THSD4: variants seen among roughly 807,000 people sequenced by gnomAD.
THSD4 encodes thrombospondin type 1 domain containing 4.
A neutral mutation model predicts 119.0 loss-of-function variants in THSD4; 69 were observed. The ratio of observed to expected loss-of-function variants is 0.58; its 90% CI spans 0.48 to 0.71. The LOEUF (loss-of-function observed/expected upper bound fraction) is 0.71, where lower values mean the gene tolerates loss of function less well. Among genes scored for constraint, THSD4 ranks in the 30% least tolerant of loss-of-function variants. The pLI, the probability that THSD4 is intolerant of heterozygous loss-of-function variation, is 0.00. For synonymous variants in THSD4, 524 were observed against 540.4 expected (o/e 0.97, Z 0.42); for missense variants, 1,393 against 1,391.1 (o/e 1.00, Z -0.02).
chr15:71,233,207 T>A lies in THSD4; in HGVS notation c.465-9442T>A, dbSNP rs144926380. Among the ~76,000 whole-genome samples, 599 of 152,346 alleles carry A rather than the reference T, an allele frequency of 3.9e-3. 5 individuals are homozygous for A. The highest frequency in any genetic ancestry group is 6.8e-3 in the Middle Eastern group (2 of 294). On this transcript the variant is annotated intron_variant, in intron 4 of 17. Coordinates refer to ENST00000261862, the MANE Select transcript of THSD4 (RefSeq NM_024817.3). ...TTTCTGTCCCTCTGGTCTTTGGGGC[T>A]TACAGTGTATTTATAAGTGGGCATT...
intron 3 of THSD4, among the ~76,000 whole-genome samples, chr15:71,185,155 A>G (rs914252295): frequency 2.0e-5 from 3 of 151,790 alleles, no homozygotes; most frequent in Non-Finnish European, 4.4e-5. Flanking sequence ...TAATTCTCTA[A>G]GCAAAGAGTG....
At position 71,346,868 on chromosome 15, in the gene THSD4, CTTTTTTTT is replaced by C. The variant is rs71154763; in HGVS notation, c.1016-64803_1016-64796del. Among the ~76,000 whole-genome samples, 267 of 86,038 alleles carry C rather than the reference CTTTTTTTT, an allele frequency of 3.1e-3. 1 individual carries two copies. The highest frequency in any genetic ancestry group is 9.3e-3 in the African/African-American group (193 of 20,834). The allele number at this position is 86,038 out of a possible 152,430, so 56.4% of individuals were successfully genotyped here. A position where few individuals can be genotyped will look rare whatever the true frequency, so the allele number is the denominator to read the frequency against. ...ACATCATAAGTTTCATTTTCATTTT[CTTTTTTTT>C]TTTTTTTTTTTTTTTGAGACGGAGT... is the stretch of plus-strand genomic sequence containing the variant. On this transcript the variant is annotated intron_variant, in intron 6 of 17. Transcript: ENST00000261862.
intron 14 of THSD4, 75 bp downstream of exon 14, chr15:71,748,669 A>C: frequency 6.5e-7 from 1 of 1,536,360 alleles, no homozygotes; most frequent in Non-Finnish European, 8.8e-7. Context: ...AAGATGAGTC[A>C]CTAGCTCAGA....
chr15:71,169,424 T>G (rs1291466968), intron 3 of THSD4, among the ~76,000 whole-genome samples: 1 of 152,140 alleles, frequency 6.6e-6, no homozygotes, highest in Non-Finnish European at 1.5e-5. Flanking sequence ...TTCCTAGGTA[T>G]TTACCCAAGA....
chr15:71,774,890 T>C (rs28420215), intron 17 of THSD4, among the ~76,000 whole-genome samples: 4,543 of 152,300 alleles, frequency 0.03, 239 homozygotes, highest in African/African-American at 0.11. Context: ...CTCACACCTG[T>C]AATCCCAGCA....
intron 7 of THSD4, among the ~76,000 whole-genome samples, chr15:71,450,220 A>T (rs4334254): frequency 6.6e-6 from 1 of 152,174 alleles, no homozygotes. Flanking sequence ...CTGCGTGTCC[A>T]TATGCCTCAT....
rs1331827715 is a variant in THSD4, at chr15:71,115,490, T to C, written c.-288T>C. On this transcript the variant is annotated 5_prime_UTR_variant, in exon 1 of 18. Transcript: ENST00000261862. The surrounding 1 kb of genome is among the most constrained non-coding windows in gnomAD (Gnocchi z 4.4). ...CGGATCGCAAACTCTGAGCCAGAGCTCTCCGCGCGCGCCTGAACCGCTGGC... is the reference window on the plus strand; with the variant it reads ...CGGATCGCAAACTCTGAGCCAGAGCCCTCCGCGCGCGCCTGAACCGCTGGC... 3 of 151,896 alleles carry C rather than the reference T, an allele frequency of 2.0e-5. No homozygotes were observed. The highest frequency in any genetic ancestry group is 4.4e-5 in the Non-Finnish European group (3 of 67,974). 9.4% of individuals were successfully genotyped at this position (151,896 alleles called of 1,614,324 possible). A position where few individuals can be genotyped will look rare whatever the true frequency, so the allele number is the denominator to read the frequency against.
intron 8 of THSD4, among the ~76,000 whole-genome samples, chr15:71,722,250 A>G (rs1278152984): frequency 6.6e-6 from 1 of 152,228 alleles, no homozygotes; most frequent in Non-Finnish European, 1.5e-5. Context: ...GAGCTGTTTC[A>G]GAAGCCAATT....
At chr15:71,121,974 T>C (rs1452026164) in intron 1 of THSD4, among the ~76,000 whole-genome samples, 3 of 152,126 alleles carry the variant, frequency 2.0e-5, no homozygotes, top group Non-Finnish European at 4.4e-5. Context: ...TAGGGGAGTT[T>C]ATTGCTGGTT....
intron 6 of THSD4, among the ~76,000 whole-genome samples, chr15:71,348,759 A>T (rs1011924194): frequency 1.3e-5 from 2 of 152,248 alleles, no homozygotes; most frequent in Non-Finnish European, 2.9e-5. Context: ...CTGCTAAAGG[A>T]TGAGCTATTT....
At chr15:71,594,271 C>T (rs569541347) in intron 7 of THSD4, among the ~76,000 whole-genome samples, 1 of 151,682 alleles carries the variant, frequency 6.6e-6, no homozygotes, top group African/African-American at 2.4e-5. Flanking sequence ...TGCAATGGCA[C>T]GATCTCAGTT....
At chr15:71,438,567 T>C (rs939562531) in intron 7 of THSD4, among the ~76,000 whole-genome samples, 2 of 152,248 alleles carry the variant, frequency 1.3e-5, no homozygotes, top group Non-Finnish European at 2.9e-5. Context: ...TTTTACTTTT[T>C]TTCAGATGGC....
chr15:71,711,270 G>A (rs2052510250), intron 8 of THSD4, among the ~76,000 whole-genome samples: 3 of 151,792 alleles, frequency 2.0e-5, no homozygotes, highest in South Asian at 2.1e-4. Context: ...CGGAAAAACC[G>A]AAGGTACAGA....
chr15:71,757,992 A>C lies in THSD4; in HGVS notation c.2506A>C (p.Asn836His). ...CAGCCTGCCCCTGGAGGGCTGTGGGAACAACCGGCCGGCAGAGGCCACCCC... is the reference window on the plus strand; with the variant it reads ...CAGCCTGCCCCTGGAGGGCTGTGGGCACAACCGGCCGGCAGAGGCCACCCC... Reference protein sequence around the residue: ...VSSLPLEGCGNNRPAEATPCD... With the variant: ...VSSLPLEGCGHNRPAEATPCD... Residue 836 changes from asparagine (N) to histidine (H), a missense_variant, in exon 15 of 18, where the codon AAC becomes CAC. Transcript: ENST00000261862. The C allele has an allele frequency of 6.2e-7, 1 of 1,614,044 alleles. No homozygotes were observed. The highest frequency in any genetic ancestry group is 1.6e-4 in the Middle Eastern group (1 of 6,062).
At chr15:71,521,099 G>T (rs909692001) in intron 7 of THSD4, among the ~76,000 whole-genome samples, 22 of 152,142 alleles carry the variant, frequency 1.4e-4, no homozygotes, top group African/African-American at 5.1e-4. Flanking sequence ...GTGAGAAAGG[G>T]GAAATTGTTG....
intron 4 of THSD4, among the ~76,000 whole-genome samples, chr15:71,216,299 G>A (rs2043931948): frequency 6.6e-6 from 1 of 152,256 alleles, no homozygotes. Flanking sequence ...CAGCAGGCAG[G>A]GCCTGAGCTT....
chr15:71,699,435 G>T (rs1445829887), intron 8 of THSD4, among the ~76,000 whole-genome samples: 2 of 151,578 alleles, frequency 1.3e-5, no homozygotes, highest in Non-Finnish European at 2.9e-5. Flanking sequence ...GGATGGTCTC[G>T]ATCCAGCTTT....
chr15:71,270,682 G>A (rs952221778), intron 6 of THSD4, among the ~76,000 whole-genome samples: 1 of 152,136 alleles, frequency 6.6e-6, no homozygotes, highest in African/African-American at 2.4e-5. Flanking sequence ...TATGTATATG[G>A]AAGCCAAGAA....
At chr15:71,750,812 C>G (rs2141180418) in intron 14 of THSD4, among the ~76,000 whole-genome samples, 2 of 152,330 alleles carry the variant, frequency 1.3e-5, no homozygotes, top group Admixed American at 1.3e-4. Flanking sequence ...GAGAGCTCAT[C>G]CTAGTTCTTC....
Sources: gnomAD v4.1 joint callset for allele counts (sites outside exome capture counted in the v4.1 genomes callset) on GRCh38, gnomAD v4.1.1 for gene constraint, Gnocchi (gnomAD v3.1) non-coding constraint, MANE v1.5 for transcripts, NCBI Gene and HGNC (gene_info 2026-07-23, HGNC 2026-07-21) for gene names.